PCDHGB1: variants seen among roughly 807,000 people sequenced by gnomAD.
PCDHGB1 encodes protocadherin gamma subfamily B, 1.
A neutral mutation model predicts 56.6 loss-of-function variants in PCDHGB1; 34 were observed. The ratio of observed to expected loss-of-function variants is 0.60; its 90% CI spans 0.46 to 0.80. The LOEUF (loss-of-function observed/expected upper bound fraction) is 0.80, where lower values mean the gene tolerates loss of function less well. Among genes scored for constraint, PCDHGB1 ranks in the 30% least tolerant of loss-of-function variants. The pLI is 0.00. For missense variants in PCDHGB1, 1,278 were observed against 1,204.6 expected (o/e 1.06, Z -0.90); for synonymous variants, 561 against 505.9 (o/e 1.11, Z -1.46).
At chr5:141,488,913 A>G (rs887938731) in intron 1 of PCDHGB1, among the ~76,000 whole-genome samples, 4 of 152,196 alleles carry the variant, frequency 2.6e-5, no homozygotes, top group African/African-American at 7.2e-5. Flanking sequence ...TGTGTTCCCA[A>G]GGTTTCCAGG....
rs767662571 is a variant in PCDHGB1 at position 141,352,091 on chromosome 5, G to A, written c.1831G>A (p.Gly611Arg). Residue 611 changes from glycine to arginine, a missense_variant, in exon 1 of 4, where the codon GGG becomes AGG. Physicochemically the swap from Gly to Arg is moderately radical, Grantham distance 125. Transcript: ENST00000523390. ...SYHVLQASEP[G>R]LFSLGLRTGE... ...CCACGTGCTGCAGGCCAGCGAGCCCGGGCTCTTCAGCCTGGGGTTGCGCAC... is the reference window on the plus strand; with the variant it reads ...CCACGTGCTGCAGGCCAGCGAGCCCAGGCTCTTCAGCCTGGGGTTGCGCAC... 1.9e-6 allele frequency: 3 copies of A among 1,605,050 alleles called. No individual in the cohort carries two copies. The highest frequency in any genetic ancestry group is 1.7e-5 in the Admixed American group (1 of 59,532).
At chr5:141,483,797 G>GCTGCTTTT (rs1255394691) in intron 1 of PCDHGB1, among the ~76,000 whole-genome samples, 3 of 152,174 alleles carry the variant, frequency 2.0e-5, no homozygotes, top group Non-Finnish European at 4.4e-5. Context: ...TCCAGTTGTT[G>GCTGCTTTT]CTGCTTTTTT....
intron 1 of PCDHGB1, among the ~76,000 whole-genome samples, chr5:141,472,602 T>C (rs1032061805): frequency 4.6e-5 from 7 of 152,026 alleles, no homozygotes; most frequent in African/African-American, 1.4e-4. Context: ...CTTGAAATTA[T>C]AAAACAAAGA....
At chr5:141,471,075 G>T (rs574363005) in intron 1 of PCDHGB1, among the ~76,000 whole-genome samples, 1 of 143,346 alleles carries the variant, frequency 7.0e-6, no homozygotes, top group East Asian at 2.0e-4. Context: ...TTGAGACAGG[G>T]TCTCCCTCTG....
In PCDHGB1 at chr5:141,490,751, C is replaced by T. The variant is rs2099703884; in HGVS notation, c.2410-4056C>T. 6.2e-6 allele frequency: 10 copies of T among 1,614,092 alleles called. No individual in the cohort carries two copies. The highest frequency in any genetic ancestry group is 1.7e-5 in the Admixed American group (1 of 60,012). ...AATCAGGTTCAGGGAGCCCCAGCCT[C>T]CTCCTTTGTGTATGTCAACCCAGAG... On this transcript the variant is annotated intron_variant, in intron 1 of 3. Coordinates refer to ENST00000523390, the MANE Select transcript of PCDHGB1 (RefSeq NM_018922.3). This position sits in a 1 kb window ranked among gnomAD's most constrained non-coding sequence, Gnocchi z 5.4.
Position 141,375,459 on chromosome 5 carries a change from T to A in PCDHGB1, c.2409+22790T>A, listed in dbSNP as rs775895246. The A allele has an allele frequency of 1.9e-6, 3 of 1,613,896 alleles. No homozygotes were observed. The highest frequency in any genetic ancestry group is 3.3e-5 in the Admixed American group (2 of 60,016). On this transcript the variant is annotated intron_variant, in intron 1 of 3. Coordinates refer to ENST00000523390, the MANE Select transcript of PCDHGB1 (RefSeq NM_018922.3). ...ACCTTCCCCCATTCATCCTACTCAG[T>A]CTATGTCCTTGAAAACAACCCCAGG... is the stretch of plus-strand genomic sequence containing the variant.
intron 1 of PCDHGB1, among the ~76,000 whole-genome samples, chr5:141,437,987 C>T (rs2097922147): frequency 1.3e-5 from 2 of 152,156 alleles, no homozygotes; most frequent in African/African-American, 2.4e-5. Flanking sequence ...GCACCCACCC[C>T]ACCTCAGCCT....
intron 1 of PCDHGB1, among the ~76,000 whole-genome samples, chr5:141,397,112 A>G (rs2093474994): frequency 6.6e-6 from 1 of 152,258 alleles, no homozygotes; most frequent in African/African-American, 2.4e-5. Flanking sequence ...GCAATCCACT[A>G]GAATATCCCT....
Position 141,350,605 on chromosome 5 carries a change from C to G in PCDHGB1, c.345C>G (p.His115Gln). Residue 115 changes from histidine (H) to glutamine (Q), a missense_variant, in exon 1 of 4, where the codon CAC becomes CAG. Transcript: ENST00000523390. ...CTGAAAACCCAATGAATGTTTTCCA[C>G]GTGGTTGTTGTAATCCAAGATATTA... ...TVAENPMNVF[H>Q]VVVVIQDIND... The G allele has an allele frequency of 6.2e-7, 1 of 1,613,998 alleles. No individual in the cohort carries two copies. The highest frequency in any genetic ancestry group is 1.1e-5 in the South Asian group (1 of 91,084).
intron 1 of PCDHGB1, among the ~76,000 whole-genome samples, chr5:141,455,393 C>G (rs574741955): frequency 6.4e-4 from 97 of 152,150 alleles, no homozygotes; most frequent in African/African-American, 2.2e-3. Flanking sequence ...GAAGGAGCTC[C>G]CCCTTACAGA....
Position 141,383,201 on chromosome 5 carries a change from G to A in PCDHGB1, c.2409+30532G>A, listed in dbSNP as rs368180461. ...GAAGAGATCTGCGCTCAGAGTGCGCGGTGTCTGGTAAACTTTAACATCCTG... is the reference window on the plus strand; with the variant it reads ...GAAGAGATCTGCGCTCAGAGTGCGCAGTGTCTGGTAAACTTTAACATCCTG... On this transcript the variant is annotated intron_variant, in intron 1 of 3. Coordinates refer to ENST00000523390, the MANE Select transcript of PCDHGB1 (RefSeq NM_018922.3). 4.3e-6 allele frequency: 7 copies of A among 1,613,882 alleles called. No individual in the cohort carries two copies. In the African/African-American group the frequency reaches 9.3e-5, roughly 22 times the overall value.
At chr5:141,435,172 T>G (rs1406204282) in intron 1 of PCDHGB1, among the ~76,000 whole-genome samples, 1 of 152,198 alleles carries the variant, frequency 6.6e-6, no homozygotes, top group Non-Finnish European at 1.5e-5. Context: ...GAGTGGCTTT[T>G]AACTACACTT....
intron 1 of PCDHGB1, chr5:141,428,516 G>A (rs763205471): frequency 3.6e-6 from 1 of 281,256 alleles, no homozygotes; most frequent in Non-Finnish European, 7.0e-6. Context: ...TCTAGAAAAA[G>A]AAGATTTAAT....
intron 1 of PCDHGB1, among the ~76,000 whole-genome samples, chr5:141,446,356 A>G (rs73280911): frequency 0.088 from 13,411 of 152,284 alleles, 771 homozygotes; most frequent in African/African-American, 0.16. Flanking sequence ...CTACCATTTG[A>G]TGAGAATGGA....
Position 141,352,568 on chromosome 5 carries a change from A to G in PCDHGB1, c.2308A>G (p.Met770Val). Reference sequence around the variant, plus strand: ...TAATTCTCTCAACCTGACACCGGAAATGGCTCCCCCTCAGGATCTGCTGTG... The same window carrying G: ...TAATTCTCTCAACCTGACACCGGAAGTGGCTCCCCCTCAGGATCTGCTGTG... ...EFNSLNLTPEMAPPQDLLCDD... is the reference protein window; with the variant it reads ...EFNSLNLTPEVAPPQDLLCDD... Residue 770 changes from methionine (M) to valine (V), a missense_variant, in exon 1 of 4, where the codon ATG becomes GTG. Met to Val is a conservative substitution (Grantham distance 21). Transcript: ENST00000523390. 1 of 1,613,966 alleles carries G rather than the reference A, an allele frequency of 6.2e-7. No homozygotes were observed. The highest frequency in any genetic ancestry group is 1.1e-5 in the South Asian group (1 of 91,090).
At chr5:141,375,575 G>A (rs1209081341) in intron 1 of PCDHGB1, 1 of 1,613,960 alleles carries the variant, frequency 6.2e-7, no homozygotes, top group East Asian at 2.2e-5. Context: ...CACCCTCCAG[G>A]GGGCGCCCCT....
chr5:141,417,975 A>C, intron 1 of PCDHGB1: 3 of 1,613,724 alleles, frequency 1.9e-6, no homozygotes, highest in Non-Finnish European at 2.5e-6. Context: ...TCGATTCCGG[A>C]GGAGCTGGCC....
intron 1 of PCDHGB1, chr5:141,395,163 G>T: frequency 6.2e-7 from 1 of 1,614,160 alleles, no homozygotes; most frequent in Non-Finnish European, 8.5e-7. Context: ...CAGTCAGGAG[G>T]GCTGTGAGAA....
chr5:141,408,667 C>T, intron 1 of PCDHGB1: 1 of 1,613,954 alleles, frequency 6.2e-7, no homozygotes, highest in Non-Finnish European at 8.5e-7. Flanking sequence ...TATCGCTTGA[C>T]CCTGCCACGG....
Sources: allele counts gnomAD v4.1 joint callset (sites outside exome capture counted in the v4.1 genomes callset), GRCh38; gene constraint gnomAD v4.1.1; non-coding constraint Gnocchi (gnomAD v3.1); transcripts MANE v1.5; gene names NCBI Gene and HGNC (gene_info 2026-07-23, HGNC 2026-07-21).